ANKS1B: variants seen among roughly 807,000 people sequenced by gnomAD.
ANKS1B encodes the protein ankyrin repeat and sterile alpha motif domain-containing protein 1B.
ANKS1B carries 36 observed loss-of-function variants against 148.3 expected under a neutral mutation model. The observed-to-expected ratio is 0.24, with a 90% CI of 0.19 to 0.32. The LOEUF (loss-of-function observed/expected upper bound fraction) is 0.32, where lower values mean the gene tolerates loss of function less well. ANKS1B is among the 10% of genes least tolerant of loss of function. ANKS1B has a pLI of 1.00. For synonymous variants in ANKS1B, 542 were observed against 560.8 expected (o/e 0.97, Z 0.47); for missense variants, 1,157 against 1,542.6 (o/e 0.75, Z 4.19).
At chr12:99,713,987 T>C (rs1262311290) in intron 8 of ANKS1B, among the ~76,000 whole-genome samples, 1 of 152,246 alleles carries the variant, frequency 6.6e-6, no homozygotes, top group Admixed American at 6.5e-5. Flanking sequence ...TTATCTTCTT[T>C]TTCTGGAGGT....
chr12:99,528,312 A>G (rs2096949045), intron 9 of ANKS1B, among the ~76,000 whole-genome samples: 1 of 151,990 alleles, frequency 6.6e-6, no homozygotes, highest in South Asian at 2.1e-4. Flanking sequence ...ACATAGAACT[A>G]GACAAAGATT....
intron 14 of ANKS1B, among the ~76,000 whole-genome samples, chr12:99,205,066 C>A (rs554025108): frequency 4.6e-5 from 7 of 152,020 alleles, no homozygotes; most frequent in Non-Finnish European, 7.4e-5. Flanking sequence ...AGGCCCCCCC[C>A]AAAAAGAAAA....
chr12:99,729,286 G>A (rs2058913225), intron 8 of ANKS1B, among the ~76,000 whole-genome samples: 1 of 152,136 alleles, frequency 6.6e-6, no homozygotes, highest in South Asian at 2.1e-4. Context: ...GGGTCACAAA[G>A]CTAGTGGTAA....
intron 17 of ANKS1B, among the ~76,000 whole-genome samples, chr12:98,944,253 T>G (rs1277917554): frequency 3.1e-5 from 4 of 127,172 alleles, no homozygotes; most frequent in Non-Finnish European, 6.3e-5. Context: ...TGAGCTGAGA[T>G]CACACCATTG....
chr12:99,483,283 T>C (rs1382608028), intron 10 of ANKS1B, among the ~76,000 whole-genome samples: 9 of 152,096 alleles, frequency 5.9e-5, no homozygotes, highest in Non-Finnish European at 1.3e-4. Flanking sequence ...TTTAATTCTG[T>C]TAATGTAATG....
intron 10 of ANKS1B, among the ~76,000 whole-genome samples, chr12:99,461,221 T>C (rs1347554425): frequency 1.3e-5 from 2 of 152,030 alleles, no homozygotes; most frequent in African/African-American, 4.8e-5. Context: ...GTGGGAGCTA[T>C]GCTATGAGGA....
chr12:98,965,167 G>A (rs2099876770), intron 17 of ANKS1B, among the ~76,000 whole-genome samples: 1 of 152,086 alleles, frequency 6.6e-6, no homozygotes, highest in African/African-American at 2.4e-5. Context: ...TTTATTGAGA[G>A]CCAAATAGCA....
intron 9 of ANKS1B, 83 bp downstream of exon 9, chr12:99,654,984 T>A (rs1418956372): frequency 7.1e-7 from 1 of 1,412,002 alleles, no homozygotes; most frequent in African/African-American, 1.4e-5. Context: ...CTAATTTGAT[T>A]TTCGAAGGGG....
intron 14 of ANKS1B, among the ~76,000 whole-genome samples, chr12:99,186,572 C>T (rs1383314164): frequency 6.6e-6 from 1 of 152,176 alleles, no homozygotes; most frequent in African/African-American, 2.4e-5. Flanking sequence ...GTTCTGCAGC[C>T]TCTGCCGCTG....
chr12:99,525,143 A>C, intron 9 of ANKS1B, among the ~76,000 whole-genome samples: 1 of 152,284 alleles, frequency 6.6e-6, no homozygotes, highest in Admixed American at 6.5e-5. Context: ...GTAATTTGTT[A>C]CAGCAGCGTT....
intron 12 of ANKS1B, among the ~76,000 whole-genome samples, chr12:99,275,186 C>A (rs1367903969): frequency 6.6e-6 from 1 of 152,146 alleles, no homozygotes. Context: ...TTTATCCATT[C>A]TTTGTTTTAT....
At chr12:98,994,467 A>C (rs887091665) in intron 17 of ANKS1B, among the ~76,000 whole-genome samples, 34 of 152,096 alleles carry the variant, frequency 2.2e-4, no homozygotes, top group Non-Finnish European at 1.5e-4. Flanking sequence ...AAATACAAAA[A>C]TTAGTTGGGC....
chr12:99,814,673 C>A (rs2068874554), intron 2 of ANKS1B, among the ~76,000 whole-genome samples: 1 of 151,684 alleles, frequency 6.6e-6, no homozygotes. Context: ...ACCTGGTTAC[C>A]TTGAGGAAAT....
chr12:99,982,486 G>A (rs1264833073), intron 1 of ANKS1B, among the ~76,000 whole-genome samples: 3 of 152,030 alleles, frequency 2.0e-5, no homozygotes, highest in South Asian at 2.1e-4. Context: ...ATGTTTTCCC[G>A]AAGAAATTGT....
At chr12:99,158,143 T>A (rs896700286) in intron 14 of ANKS1B, among the ~76,000 whole-genome samples, 1 of 152,180 alleles carries the variant, frequency 6.6e-6, no homozygotes, top group Non-Finnish European at 1.5e-5. Context: ...TATTTTCTCA[T>A]GAGTCAAATC....
Position 99,460,490 on chromosome 12 carries a change from G to A in ANKS1B, c.1439-16681C>T, listed in dbSNP as rs138023873. Among the ~76,000 whole-genome samples the A allele has an allele frequency of 8.6e-3, 1,308 of 151,528 alleles. 11 individuals are homozygous for A. Among genetic ancestry groups the A allele is most frequent in the Non-Finnish European group, 0.014 (965 of 67,798 alleles). On this transcript the variant is annotated intron_variant, in intron 10 of 26. Transcript: ENST00000683438. ...AGAGTAAACAGACAACCCACAGAGT[G>A]GGAGAAAATCTTCACAATCTACACA...
chr12:99,029,229 C>T (rs559543750), intron 17 of ANKS1B, among the ~76,000 whole-genome samples: 4 of 152,288 alleles, frequency 2.6e-5, no homozygotes, highest in South Asian at 2.1e-4. Context: ...GCTTCTCTTT[C>T]GAGTTGGGAT....
At chr12:99,233,173 T>C (rs2087186104) in intron 14 of ANKS1B, among the ~76,000 whole-genome samples, 1 of 152,128 alleles carries the variant, frequency 6.6e-6, no homozygotes, top group Non-Finnish European at 1.5e-5. Context: ...GATGTTTCAT[T>C]ATATATATGC....
chr12:99,874,410 C>T (rs1351826088), intron 1 of ANKS1B, among the ~76,000 whole-genome samples: 1 of 152,106 alleles, frequency 6.6e-6, no homozygotes, highest in Non-Finnish European at 1.5e-5. Context: ...GGGGCCTGCA[C>T]ATAATACCTA....
Sources: allele counts gnomAD v4.1 joint callset (sites outside exome capture counted in the v4.1 genomes callset), GRCh38; gene constraint gnomAD v4.1.1; transcripts MANE v1.5; gene names NCBI Gene and HGNC (gene_info 2026-07-23, HGNC 2026-07-21).